CEACAM18: variants seen among roughly 807,000 people sequenced by gnomAD.
The protein encoded by CEACAM18 is cell adhesion molecule CEACAM18.
CEACAM18 carries 33 observed loss-of-function variants against 34.3 expected under a neutral mutation model. The observed-to-expected ratio is 0.96, with a 90% confidence interval of 0.73 to 1.29. CEACAM18 has a LOEUF of 1.29. Among genes scored for constraint, CEACAM18 ranks in the 50% most tolerant of loss-of-function variants. CEACAM18 has a pLI of 0.00. For synonymous variants in CEACAM18, 169 were observed against 180.9 expected, an observed-to-expected ratio of 0.93 and a Z score of 0.53; for missense variants, 474 against 485.0, an observed-to-expected ratio of 0.98 and a Z score of 0.21.
intron 5 of CEACAM18, among the ~76,000 whole-genome samples, chr19:51,488,454 T>C (rs1021438303): frequency 1.3e-5 from 2 of 152,212 alleles, no homozygotes; most frequent in African/African-American, 4.8e-5. Context: ...CTCCCTGCTA[T>C]CTCACTGTAT....
chr19:51,490,727 A>G, exon 6 of CEACAM18: 1 of 846,958 alleles, frequency 1.2e-6, no homozygotes, highest in Non-Finnish European at 1.6e-6. Flanking sequence ...GTCTCTTTGG[A>G]GGGTACTGGC....
In CEACAM18 at chr19:51,485,135, C is replaced by T; in HGVS notation, c.1089+13C>T. On this transcript the variant is annotated intron_variant, in intron 5 of 5. Transcript: ENST00000396477. ...ACTACTCAATCAGGTGCCCTCATTG[C>T]TCTGGGACAAGGGTGGGATGTTGGC... 1 of 1,493,490 alleles carries T rather than the reference C, an allele frequency of 6.7e-7. No homozygotes were observed. The highest frequency in any genetic ancestry group is 8.9e-7 in the Non-Finnish European group (1 of 1,123,540). 92.5% of individuals were successfully genotyped at this position (1,493,490 alleles called of 1,614,324 possible).
At chr19:51,481,567 TCCTCAGGGTCAG>T in exon 3 of CEACAM18, 1 of 1,614,028 alleles carries the variant, frequency 6.2e-7, no homozygotes, top group Non-Finnish European at 8.5e-7. Flanking sequence ...ACCCTCGTCA[TCCTCAGGGTCAG>T]CCGCTATGAC....
Position 51,482,967 on chromosome 19 carries a change from A to G in CEACAM18, c.674-50A>G, listed in dbSNP as rs10425583. The G allele has an allele frequency of 2.3e-3, 3,611 of 1,589,302 alleles. 80 individuals are homozygous for G. In the African/African-American group the frequency reaches 0.041, roughly 18 times the overall value. On this transcript the variant is annotated intron_variant, in intron 3 of 5. Transcript: ENST00000396477. ...CTGGGGGAGGACTTCATGAGACGGG[A>G]CGCCGAGGGGTCAGAAACATAGCCT...
chr19:51,478,641 T>A (rs1360141755), exon 1 of CEACAM18: 1 of 1,555,514 alleles, frequency 6.4e-7, no homozygotes, highest in Admixed American at 1.9e-5. Flanking sequence ...CCCAGGCAGC[T>A]CATGGACCTT....
chr19:51,483,085 G>T (rs770488716), exon 4 of CEACAM18: 1 of 1,613,882 alleles, frequency 6.2e-7, no homozygotes, highest in African/African-American at 1.3e-5. Flanking sequence ...AGCTGAGATC[G>T]GCTCCCAAGT....
exon 6 of CEACAM18, chr19:51,490,952 G>A (rs1990082982): frequency 3.8e-6 from 1 of 266,494 alleles, no homozygotes; most frequent in African/African-American, 2.2e-5. Flanking sequence ...CTCAGCTCCG[G>A]CGCTTCCAGC....
chr19:51,489,899 G>C (rs1452195821), intron 5 of CEACAM18, among the ~76,000 whole-genome samples: 1 of 152,084 alleles, frequency 6.6e-6, no homozygotes, highest in Non-Finnish European at 1.5e-5. Context: ...AAAGTTCAAG[G>C]GTATTTCAAA....
At chr19:51,484,636 C>T (rs1324090982) in intron 4 of CEACAM18, among the ~76,000 whole-genome samples, 1 of 99,544 alleles carries the variant, frequency 1.0e-5, no homozygotes, top group Non-Finnish European at 2.5e-5. Context: ...AGTTGGTGCT[C>T]AGTGAACATT....
At chr19:51,479,743 G>A (rs1232301333) in intron 1 of CEACAM18, among the ~76,000 whole-genome samples, 1 of 152,208 alleles carries the variant, frequency 6.6e-6, no homozygotes. Flanking sequence ...GCCGGGAATG[G>A]GGAACAGCGT....
exon 3 of CEACAM18, chr19:51,481,468 G>A: frequency 6.2e-7 from 1 of 1,614,004 alleles, no homozygotes; most frequent in Non-Finnish European, 8.5e-7. Context: ...GCTGCTGACT[G>A]CCTCACAAAT....
At chr19:51,483,216 G>A in exon 4 of CEACAM18, 1 of 1,613,998 alleles carries the variant, frequency 6.2e-7, no homozygotes, top group Non-Finnish European at 8.5e-7. Context: ...GGGAGCAGAT[G>A]GGCCGTTACC....
chr19:51,478,700 A>C lies in CEACAM18; in HGVS notation c.52+6A>C, dbSNP rs766960697. The C allele has an allele frequency of 2.1e-6, 3 of 1,444,146 alleles. No homozygotes were observed. The highest frequency in any genetic ancestry group is 3.0e-5 in the South Asian group (2 of 65,894). The allele number at this position is 1,444,146 out of a possible 1,614,324, so 89.5% of individuals were successfully genotyped here. A position where few individuals can be genotyped will look rare whatever the true frequency, so the allele number is the denominator to read the frequency against. ...GAGGAGGGTCTTCCTCATGGGTAAGAGATGCTGGATGCTGGATGAGCTTCC... is the reference window on the plus strand; with the variant it reads ...GAGGAGGGTCTTCCTCATGGGTAAGCGATGCTGGATGCTGGATGAGCTTCC... On this transcript the variant is annotated splice_donor_region_variant and intron_variant, in intron 1 of 5. Coordinates refer to ENST00000396477, the Ensembl canonical transcript of CEACAM18.
intron 4 of CEACAM18, 21 bp from the exon 5 acceptor site, chr19:51,484,966 C>T (rs1472364574): frequency 6.5e-7 from 1 of 1,535,932 alleles, no homozygotes; most frequent in Non-Finnish European, 8.7e-7. Context: ...GTCCTGACCC[C>T]CAGGTGTCCT....
chr19:51,479,340 C>T (rs1989868521), intron 1 of CEACAM18, among the ~76,000 whole-genome samples: 1 of 152,194 alleles, frequency 6.6e-6, no homozygotes, highest in African/African-American at 2.4e-5. Context: ...AGGCTGCCGC[C>T]TCCATTCACA....
At chr19:51,488,530 A>G (rs985778318) in intron 5 of CEACAM18, among the ~76,000 whole-genome samples, 2 of 152,208 alleles carry the variant, frequency 1.3e-5, no homozygotes, top group Non-Finnish European at 2.9e-5. Flanking sequence ...CAATATCTAA[A>G]TACAAGACCT....
chr19:51,484,975 CT>C lies in CEACAM18; in HGVS notation c.954-11del. On this transcript the variant is annotated splice_polypyrimidine_tract_variant and intron_variant, in intron 4 of 5. Coordinates refer to ENST00000396477, the Ensembl canonical transcript of CEACAM18. Reference sequence around the variant, plus strand: ...ATCGTGGTCCTGACCCCCAGGTGTCCTCTTCCTTCAGGGATCTTACCTGTTG... The same window carrying C: ...ATCGTGGTCCTGACCCCCAGGTGTCCCTTCCTTCAGGGATCTTACCTGTTG... 1 of 1,536,074 alleles carries C rather than the reference CT, an allele frequency of 6.5e-7. No homozygotes were observed. Among genetic ancestry groups the C allele is most frequent in the Non-Finnish European group, 8.7e-7 (1 of 1,146,880 alleles).
intron 5 of CEACAM18, among the ~76,000 whole-genome samples, chr19:51,489,751 A>T (rs900265250): frequency 2.0e-5 from 3 of 152,188 alleles, no homozygotes; most frequent in Non-Finnish European, 4.4e-5. Flanking sequence ...TCCTATGGGG[A>T]TAAAGTAAGC....
exon 5 of CEACAM18, chr19:51,484,994 A>C (rs772591437): frequency 6.5e-7 from 1 of 1,536,112 alleles, no homozygotes; most frequent in South Asian, 1.2e-5. Context: ...CAGGGATCTT[A>C]CCTGTTGTCC....
Sources: gnomAD v4.1 joint callset for allele counts (sites outside exome capture counted in the v4.1 genomes callset) on GRCh38, gnomAD v4.1.1 for gene constraint, MANE v1.5 for transcripts, NCBI Gene and HGNC (gene_info 2026-07-23, HGNC 2026-07-21) for gene names.